Variants in NPHP3 observed in about 807,000 individuals in gnomAD.
NPHP3 encodes nephrocystin-3.
In NPHP3, 123 loss-of-function variants were observed where a neutral mutation model predicts 171.9. The ratio of observed to expected loss-of-function variants is 0.72; its 90% CI spans 0.62 to 0.83. The LOEUF is 0.83. NPHP3 is among the 40% of genes least tolerant of loss of function. The pLI, the probability that NPHP3 is intolerant of heterozygous loss-of-function variation, is 0.00. For synonymous variants in NPHP3, 558 were observed against 579.2 expected, an observed-to-expected ratio of 0.96 and a Z score of 0.52; for missense variants, 1,506 against 1,591.9, an observed-to-expected ratio of 0.95 and a Z score of 0.92.
Position 132,681,795 on chromosome 3 carries a change from A to C in NPHP3, c.*115T>G. 1.2e-6 allele frequency: 1 copy of C among 847,296 alleles called. No homozygotes were observed. The allele number at this position is 847,296 out of a possible 1,614,324, so 52.5% of individuals were successfully genotyped here. On this transcript the variant is annotated 3_prime_UTR_variant, in exon 27 of 27. Coordinates refer to ENST00000337331, the MANE Select transcript of NPHP3 (RefSeq NM_153240.5). ...TACAACTTCATACAAATAGCAGTTAAATCACACGTAGTAAAATTTCGTACA... is the reference window on the plus strand; with the variant it reads ...TACAACTTCATACAAATAGCAGTTACATCACACGTAGTAAAATTTCGTACA...
chr3:132,697,323 T>C lies in NPHP3; in HGVS notation c.2025A>G (p.Lys675=). The part of the protein sequence containing the change: ...PTLHLDPLSP[K]DAKSIIIAEC... ...CTGCAATTATAATAGATTTTGCATC[T>C]TTTGGACTTAAGGGATCAAGATGAA... The change falls in exon 14 of 27, where the codon AAA becomes AAG. Residue 675 remains lysine (K), a synonymous_variant. Coordinates refer to ENST00000337331, the MANE Select transcript of NPHP3 (RefSeq NM_153240.5). The C allele has an allele frequency of 6.2e-7, 1 of 1,612,384 alleles. No individual in the cohort carries two copies. The highest frequency in any genetic ancestry group is 8.5e-7 in the Non-Finnish European group (1 of 1,179,498).
rs202228115 is a variant in NPHP3 at position 132,718,981 on chromosome 3, G to T, written c.670+13C>A. On this transcript the variant is annotated intron_variant, in intron 3 of 26. Coordinates refer to ENST00000337331, the MANE Select transcript of NPHP3 (RefSeq NM_153240.5). ...TGTTGAAAGCTCAAAATATAAATAG[G>T]ATATACACTTACCAGTGACATCTGT... The T allele has an allele frequency of 3.7e-6, 6 of 1,613,474 alleles. No homozygotes were observed. Among genetic ancestry groups the T allele is most frequent in the Admixed American group, 1.7e-5 (1 of 59,992 alleles).
intron 16 of NPHP3, 146 bp from the exon 17 acceptor site, chr3:132,692,964 A>G: frequency 2.9e-6 from 2 of 694,294 alleles, no homozygotes; most frequent in Non-Finnish European, 5.0e-6. Context: ...AAACAGATTT[A>G]TTAAAACACA....
chr3:132,715,303 A>G lies in NPHP3; in HGVS notation c.824-85T>C. On this transcript the variant is annotated intron_variant, in intron 4 of 26. Coordinates refer to ENST00000337331, the MANE Select transcript of NPHP3 (RefSeq NM_153240.5). ...AAAAAGTTTTAAAAACATAACAGGC[A>G]TCATAGAATGGAATCTGATCTTACA... The G allele has an allele frequency of 1.5e-5, 16 of 1,097,420 alleles. No homozygotes were observed. The South Asian group carries it at 2.0e-4, about 14-fold the overall frequency. 68.0% of individuals were successfully genotyped at this position (1,097,420 alleles called of 1,614,324 possible).
At chr3:132,682,678 T>C (rs762603015) in intron 26 of NPHP3, 25 bp downstream of exon 26, 3 of 1,285,004 alleles carry the variant, frequency 2.3e-6, no homozygotes, top group Admixed American at 1.7e-5. Context: ...AGAGGCTGTA[T>C]AAGGAAAGTG....
rs189601579 is a variant in NPHP3, at chr3:132,694,147, C to G, written c.2310+680G>C. On this transcript the variant is annotated intron_variant, in intron 16 of 26. Transcript: ENST00000337331. Reference sequence around the variant, plus strand: ...AGAACAGAAGAGCCTAGAAACAGACCCACATTTATTTGTGAGCTTGATATT... The same window carrying G: ...AGAACAGAAGAGCCTAGAAACAGACGCACATTTATTTGTGAGCTTGATATT... 3.1e-3 allele frequency among the ~76,000 whole-genome samples: 465 copies of G among 151,902 alleles called. 1 individual carries two copies. Among genetic ancestry groups the G allele is most frequent in the African/African-American group, 0.011 (442 of 41,462 alleles).
In NPHP3 at chr3:132,696,724, C is replaced by T; in HGVS notation, c.2171+7G>A. On this transcript the variant is annotated splice_region_variant and intron_variant, in intron 15 of 26. Coordinates refer to ENST00000337331, the MANE Select transcript of NPHP3 (RefSeq NM_153240.5). ...GCAGAAGATCATGTAAAATAATCAC[C>T]ACTCACCGCGCGATCATTTTGCCGA... 6.2e-7 allele frequency: 1 copy of T among 1,612,752 alleles called. No homozygotes were observed.
At chr3:132,693,447 C>T (rs1939352086) in intron 16 of NPHP3, 1 of 152,982 alleles carries the variant, frequency 6.5e-6, no homozygotes, top group Non-Finnish European at 1.5e-5. Flanking sequence ...GGACCTTCAC[C>T]CTCAGTGAAG....
chr3:132,722,067 C>A lies in NPHP3; in HGVS notation c.289G>T (p.Glu97Ter). 6.2e-7 allele frequency: 1 copy of A among 1,612,458 alleles called. No individual in the cohort carries two copies. Residue 97 changes from glutamate to a stop codon, truncating the protein, a stop_gained, in exon 1 of 27, where the codon GAG (glutamate) becomes TAG (stop). Transcript: ENST00000337331. LOFTEE classifies it high-confidence loss of function. ...TTGCTGACGCGAAAGATCTCGTACT[C>A]CTTCCTGAGCCGCTCGTACTCGGCC... ...AAAEYERLRK[E>*]YEIFRVSKNQ... is the part of the protein sequence containing the mutation.
intron 9 of NPHP3, 80 bp downstream of exon 9, chr3:132,704,118 A>G: frequency 7.5e-7 from 1 of 1,334,234 alleles, no homozygotes; most frequent in Non-Finnish European, 1.1e-6. Context: ...AACCTTAACT[A>G]TATTTAGATG....
Position 132,699,390 on chromosome 3 carries a change from C to T in NPHP3, c.1948G>A (p.Val650Ile), listed in dbSNP as rs1230279047. ...DPLPVNVRVI[V>I]SVNVETCPPA... is the part of the protein sequence containing the mutation. ...GGGCATGTTTCTACATTCACAGAAACAATTACTCTTACATTCACTGGCAGT... is the reference window on the plus strand; with the variant it reads ...GGGCATGTTTCTACATTCACAGAAATAATTACTCTTACATTCACTGGCAGT... The change falls in exon 13 of 27, where the codon GTT becomes ATT. Residue 650 changes from valine (V) to isoleucine (I), a missense_variant. This residue lies in a region of NPHP3 where 930 missense variants were observed against 924.9 expected (regional missense o/e 1.01). Transcript: ENST00000337331. 1.2e-6 allele frequency: 2 copies of T among 1,612,888 alleles called. No individual in the cohort carries two copies. Among genetic ancestry groups the T allele is most frequent in the Non-Finnish European group, 8.5e-7 (1 of 1,179,776 alleles).
Position 132,680,733 on chromosome 3 carries a change from A to G in NPHP3, c.*1177T>C, listed in dbSNP as rs1939003022. 1 of 152,198 alleles carries G rather than the reference A, an allele frequency of 6.6e-6. No homozygotes were observed. Among genetic ancestry groups the G allele is most frequent in the Non-Finnish European group, 1.5e-5 (1 of 68,028 alleles). 9.4% of individuals were successfully genotyped at this position (152,198 alleles called of 1,614,324 possible). On this transcript the variant is annotated 3_prime_UTR_variant, in exon 27 of 27. Coordinates refer to ENST00000337331, the MANE Select transcript of NPHP3 (RefSeq NM_153240.5). Reference sequence around the variant, plus strand: ...TGATGATTTTATTATATATAAATACACAAATGGTCCAAAACAATATCTAAA... The same window carrying G: ...TGATGATTTTATTATATATAAATACGCAAATGGTCCAAAACAATATCTAAA...
chr3:132,693,584 C>T (rs1939357244), intron 16 of NPHP3: 1 of 152,162 alleles, frequency 6.6e-6, no homozygotes, highest in Non-Finnish European at 1.5e-5. Flanking sequence ...AAAAATAGAT[C>T]CAGGTTCGGC....
chr3:132,719,428 C>G (rs186523091), intron 2 of NPHP3, among the ~76,000 whole-genome samples: 1 of 152,242 alleles, frequency 6.6e-6, no homozygotes, highest in East Asian at 1.9e-4. Flanking sequence ...TACAACATCC[C>G]TAAACATTTC....
Position 132,687,229 on chromosome 3 carries a change from TA to T in NPHP3, c.3126-4del, listed in dbSNP as rs398124547. 7.3e-4 allele frequency: 893 copies of T among 1,216,238 alleles called. 2 individuals carry two copies. In the Admixed American group the frequency reaches 9.8e-3, roughly 13 times the overall value. 75.3% of individuals were successfully genotyped at this position (1,216,238 alleles called of 1,614,324 possible). Reference sequence around the variant, plus strand: ...TAAAATGTTCAGCTTGTTCATATCTTAAAAAAAAATTACAGTAAGTCAAACA... The same window carrying T: ...TAAAATGTTCAGCTTGTTCATATCTTAAAAAAAATTACAGTAAGTCAAACA... On this transcript the variant is annotated splice_region_variant and splice_polypyrimidine_tract_variant and intron_variant, in intron 21 of 26. Transcript: ENST00000337331.
chr3:132,706,346 A>G (rs1232726788), intron 7 of NPHP3, among the ~76,000 whole-genome samples: 6 of 151,108 alleles, frequency 4.0e-5, no homozygotes, highest in Non-Finnish European at 7.4e-5. Context: ...AAGACAGAGT[A>G]AGACTCTGTC....
At chr3:132,682,175 A>G in intron 26 of NPHP3, 85 bp from the exon 27 acceptor site, 1 of 1,284,664 alleles carries the variant, frequency 7.8e-7, no homozygotes, top group Non-Finnish European at 1.1e-6. Context: ...CAGAAAAAGA[A>G]GCTGTAAATA....
In NPHP3 at chr3:132,695,114, T is replaced by C. The variant is rs1347966493; in HGVS notation, c.2172-149A>G. The C allele has an allele frequency of 1.0e-5, 7 of 702,968 alleles. No homozygotes were observed. The Admixed American group carries it at 1.4e-4, about 14-fold the overall frequency. 43.5% of individuals were successfully genotyped at this position (702,968 alleles called of 1,614,324 possible). A position where few individuals can be genotyped will look rare whatever the true frequency, so the allele number is the denominator to read the frequency against. On this transcript the variant is annotated intron_variant, in intron 15 of 26. Coordinates refer to ENST00000337331, the MANE Select transcript of NPHP3 (RefSeq NM_153240.5). ...ACATGATAAAGGAAAGTGGTAGTTT[T>C]ATGGGGCTGCTAGAGTCATTGGGTT... is the stretch of plus-strand genomic sequence containing the variant.
rs1440720644 is a variant in NPHP3, at chr3:132,699,426, G to C, written c.1912C>G (p.Leu638Val). 2 of 1,610,622 alleles carry C rather than the reference G, an allele frequency of 1.2e-6. No homozygotes were observed. The highest frequency in any genetic ancestry group is 1.7e-6 in the Non-Finnish European group (2 of 1,179,132). ...ACATTCACTGGCAGTGGATCTATCA[G>C]CCATTTCATGTGTTTTTCAACTTGC... ...VQQVEKHMKWLIDPLPVNVRV... is the reference protein window; with the variant it reads ...VQQVEKHMKWVIDPLPVNVRV... Residue 638 changes from leucine to valine, a missense_variant, in exon 13 of 27, where the codon CTG becomes GTG. Leu to Val is a conservative substitution (Grantham distance 32, BLOSUM62 1). Coordinates refer to ENST00000337331, the MANE Select transcript of NPHP3 (RefSeq NM_153240.5).
Sources: allele counts gnomAD v4.1 joint callset (sites outside exome capture counted in the v4.1 genomes callset), GRCh38; gene constraint gnomAD v4.1.1; regional missense constraint gnomAD v4.1.1; transcripts MANE v1.5; gene names NCBI Gene and HGNC (gene_info 2026-07-23, HGNC 2026-07-21).